The following FAM78B variants were observed in gnomAD, a reference collection of about 807,000 sequenced individuals.
FAM78B encodes the protein family with sequence similarity 78 member B.
Under a neutral mutation model 20.0 loss-of-function variants are expected in FAM78B, and 10 were observed. That is an observed-to-expected ratio of 0.50 (90% confidence interval 0.31 to 0.85). The LOEUF (loss-of-function observed/expected upper bound fraction) is 0.85, where lower values mean the gene tolerates loss of function less well. FAM78B is among the 40% of genes least tolerant of loss of function. The pLI is 0.05. For missense variants in FAM78B, 283 were observed against 345.0 expected, an observed-to-expected ratio of 0.82 and a Z score of 1.42; for synonymous variants, 135 against 132.8, an observed-to-expected ratio of 1.02 and a Z score of -0.12.
At chr1:166,106,418 T>C (rs1395558209) in intron 1 of FAM78B, among the ~76,000 whole-genome samples, 2 of 151,690 alleles carry the variant, frequency 1.3e-5, no homozygotes, top group South Asian at 2.1e-4. Context: ...AATGAAATCA[T>C]GTGCACATGT....
intron 1 of FAM78B, among the ~76,000 whole-genome samples, chr1:166,109,911 T>TATAC (rs1653982483): frequency 1.8e-5 from 2 of 110,120 alleles, no homozygotes; most frequent in African/African-American, 3.0e-5. Context: ...TATATATATA[T>TATAC]ATATATATAA....
intron 1 of FAM78B, among the ~76,000 whole-genome samples, chr1:166,114,776 GACA>G (rs959144485): frequency 2.0e-5 from 3 of 152,182 alleles, no homozygotes; most frequent in Non-Finnish European, 4.4e-5. Context: ...CTTTAAAAGA[GACA>G]ACAATATAGC....
chr1:166,073,948 C>T (rs1346835179), intron 1 of FAM78B, among the ~76,000 whole-genome samples: 6 of 152,136 alleles, frequency 3.9e-5, no homozygotes, highest in African/African-American at 1.2e-4. Flanking sequence ...ATCTCCTTTT[C>T]CCCACCCAAC....
intron 1 of FAM78B, among the ~76,000 whole-genome samples, chr1:166,105,465 G>A (rs1456881294): frequency 6.6e-6 from 1 of 152,060 alleles, no homozygotes; most frequent in African/African-American, 2.4e-5. Flanking sequence ...ATCTGACAAA[G>A]GGCTAATATC....
At chr1:166,060,525 C>T in exon 3 of FAM78B, 1 of 1,052,686 alleles carries the variant, frequency 9.5e-7, no homozygotes, top group Non-Finnish European at 1.3e-6. Context: ...AGGAGGTAGG[C>T]AGGATGGCAC....
chr1:166,136,726 C>T (rs978137498), intron 1 of FAM78B, among the ~76,000 whole-genome samples: 1 of 152,232 alleles, frequency 6.6e-6, no homozygotes, highest in Admixed American at 6.5e-5. Context: ...CTCCAGGCTA[C>T]CTTGCCCCTA....
intron 1 of FAM78B, among the ~76,000 whole-genome samples, chr1:166,152,204 T>C (rs1245239583): frequency 6.6e-6 from 1 of 152,146 alleles, no homozygotes; most frequent in Non-Finnish European, 1.5e-5. Context: ...TGCTCAGCCA[T>C]CCAGCTGGAG....
At chr1:166,135,417 A>T (rs1223152471) in intron 1 of FAM78B, among the ~76,000 whole-genome samples, 1 of 152,246 alleles carries the variant, frequency 6.6e-6, no homozygotes, top group Non-Finnish European at 1.5e-5. Flanking sequence ...ATGGCATAGC[A>T]GGAAGCATCA....
intron 1 of FAM78B, among the ~76,000 whole-genome samples, chr1:166,137,372 T>G (rs1237926329): frequency 1.3e-5 from 2 of 152,228 alleles, no homozygotes; most frequent in African/African-American, 4.8e-5. Flanking sequence ...CCATATTTTC[T>G]TTTTCTAGTC....
At chr1:166,063,282 G>A (rs1342160929) in intron 2 of FAM78B, among the ~76,000 whole-genome samples, 1 of 152,226 alleles carries the variant, frequency 6.6e-6, no homozygotes, top group East Asian at 1.9e-4. Flanking sequence ...CAAGTATTCA[G>A]AGGGATACCA....
At chr1:166,080,894 G>C (rs1344416343) in intron 1 of FAM78B, among the ~76,000 whole-genome samples, 1 of 152,222 alleles carries the variant, frequency 6.6e-6, no homozygotes, top group Non-Finnish European at 1.5e-5. Flanking sequence ...GGGGTCAGAG[G>C]GGAGCCAGGC....
intron 1 of FAM78B, among the ~76,000 whole-genome samples, chr1:166,077,440 A>C (rs1249412525): frequency 1.3e-5 from 2 of 151,958 alleles, no homozygotes; most frequent in Non-Finnish European, 2.9e-5. Context: ...AAATACTTTC[A>C]TGTGTAAAAC....
chr1:166,165,729 C>A (rs1441818175), intron 1 of FAM78B, among the ~76,000 whole-genome samples: 1 of 152,174 alleles, frequency 6.6e-6, no homozygotes, highest in Non-Finnish European at 1.5e-5. Context: ...GCGTTCTTCC[C>A]GCCCCGCACC....
chr1:166,150,436 A>T (rs1206293060), intron 1 of FAM78B, among the ~76,000 whole-genome samples: 1 of 152,254 alleles, frequency 6.6e-6, no homozygotes, highest in East Asian at 1.9e-4. Context: ...TATAGTAAGT[A>T]AATCATAATA....
chr1:166,090,084 A>G (rs1206793887), intron 1 of FAM78B, among the ~76,000 whole-genome samples: 1 of 152,146 alleles, frequency 6.6e-6, no homozygotes, highest in East Asian at 1.9e-4. Flanking sequence ...TCAAAATAAA[A>G]GTGAGGTCCT....
At chr1:166,072,435 G>A (rs764961269) in intron 1 of FAM78B, among the ~76,000 whole-genome samples, 27 of 152,244 alleles carry the variant, frequency 1.8e-4, no homozygotes, top group Non-Finnish European at 3.2e-4. Context: ...GATGCAGAAA[G>A]TCAGAGAGAG....
At chr1:166,093,750 C>CTT (rs879694948) in intron 1 of FAM78B, among the ~76,000 whole-genome samples, 1 of 143,966 alleles carries the variant, frequency 6.9e-6, no homozygotes, top group African/African-American at 2.5e-5. Context: ...ATGGGAAACA[C>CTT]TTTTTTTTTT....
intron 1 of FAM78B, among the ~76,000 whole-genome samples, chr1:166,132,065 T>C (rs547296163): frequency 1.3e-5 from 2 of 152,192 alleles, no homozygotes; most frequent in African/African-American, 4.8e-5. Context: ...TCTCCAATTT[T>C]AAAAACTTGT....
At chr1:166,060,732 C>A in intron 2 of FAM78B, 1 of 998,256 alleles carries the variant, frequency 1.0e-6, no homozygotes, top group South Asian at 1.5e-5. Flanking sequence ...ATGTCATTCC[C>A]TAAAAGCAGA....
Sources: gnomAD v4.1 joint callset for allele counts (sites outside exome capture counted in the v4.1 genomes callset) on GRCh38, gnomAD v4.1.1 for gene constraint, MANE v1.5 for transcripts, NCBI Gene and HGNC (gene_info 2026-07-23, HGNC 2026-07-21) for gene names.